Variants in CADM2 observed in about 807,000 individuals in gnomAD.
The protein encoded by CADM2 is immunoglobulin superfamily member 4D.
Under a neutral mutation model 49.8 loss-of-function variants are expected in CADM2, and 12 were observed. The ratio of observed to expected loss-of-function variants is 0.24; its 90% confidence interval spans 0.15 to 0.39. CADM2 has a LOEUF of 0.39. Among genes scored for constraint, CADM2 ranks in the 10% least tolerant of loss-of-function variants. The pLI, the probability that CADM2 is intolerant of heterozygous loss-of-function variation, is 1.00. For synonymous variants in CADM2, 214 were observed against 175.4 expected (o/e 1.22, Z -1.74); for missense variants, 378 against 492.3 (o/e 0.77, Z 2.20).
intron 1 of CADM2, among the ~76,000 whole-genome samples, chr3:85,289,621 A>C (rs1197187590): frequency 1.3e-5 from 2 of 152,208 alleles, no homozygotes; most frequent in African/African-American, 4.8e-5. Context: ...TGGTGTCTAC[A>C]GACTTCAGGT....
chr3:85,643,519 C>G (rs751360183), intron 1 of CADM2, among the ~76,000 whole-genome samples: 2 of 152,078 alleles, frequency 1.3e-5, no homozygotes, highest in Non-Finnish European at 2.9e-5. Context: ...CAAATCAAAA[C>G]TTGATTAGGT....
chr3:85,399,891 A>T (rs2035008024), intron 1 of CADM2, among the ~76,000 whole-genome samples: 2 of 152,186 alleles, frequency 1.3e-5, no homozygotes. Context: ...GGTTTTCTAA[A>T]TATACAATCA....
intron 1 of CADM2, among the ~76,000 whole-genome samples, chr3:85,339,271 G>A (rs2107185737): frequency 6.6e-6 from 1 of 151,480 alleles, no homozygotes; most frequent in South Asian, 2.1e-4. Flanking sequence ...ATCTCAGTGT[G>A]TTTAAATAAT....
chr3:85,662,650 A>C (rs934286005), intron 1 of CADM2, among the ~76,000 whole-genome samples: 1 of 152,048 alleles, frequency 6.6e-6, no homozygotes, highest in African/African-American at 2.4e-5. Flanking sequence ...TCTTTGCCTG[A>C]GGACTTTGCA....
chr3:85,311,534 C>T (rs1358238493), intron 1 of CADM2, among the ~76,000 whole-genome samples: 4 of 151,894 alleles, frequency 2.6e-5, no homozygotes, highest in Non-Finnish European at 5.9e-5. Flanking sequence ...GCCACCACCC[C>T]GGCTAATTTT....
chr3:85,446,971 CTT>C (rs2037487755), intron 1 of CADM2, among the ~76,000 whole-genome samples: 1 of 122,230 alleles, frequency 8.2e-6, no homozygotes, highest in Non-Finnish European at 1.6e-5. Flanking sequence ...ATTTAAATGA[CTT>C]AAGCCTAATA....
At chr3:85,149,906 AAC>A (rs781121851) in intron 1 of CADM2, among the ~76,000 whole-genome samples, 2 of 152,300 alleles carry the variant, frequency 1.3e-5, no homozygotes, top group African/African-American at 2.4e-5. Flanking sequence ...AATTCTCTCA[AAC>A]ACACAGTATT....
chr3:85,449,867 A>G (rs757726764), intron 1 of CADM2, among the ~76,000 whole-genome samples: 4 of 152,130 alleles, frequency 2.6e-5, no homozygotes, highest in Non-Finnish European at 4.4e-5. Context: ...GACGTTGACA[A>G]TACACCTTTT....
chr3:86,073,510 G>A lies in CADM2; in HGVS notation c.*6727G>A, dbSNP rs1054105044. On this transcript the variant is annotated 3_prime_UTR_variant, in exon 10 of 10. Transcript: ENST00000383699. ...ACAAAGTATTCAATGTGTACTTAGCGGCGCTTAAAATATGTCATGTACAAC... is the reference window on the plus strand; with the variant it reads ...ACAAAGTATTCAATGTGTACTTAGCAGCGCTTAAAATATGTCATGTACAAC... The A allele has an allele frequency of 1.3e-5, 2 of 151,878 alleles. No homozygotes were observed. Among genetic ancestry groups the A allele is most frequent in the African/African-American group, 2.4e-5 (1 of 41,412 alleles). 9.4% of individuals were successfully genotyped at this position (151,878 alleles called of 1,614,324 possible).
At position 85,693,874 on chromosome 3, in the gene CADM2, C is replaced by A. The variant is rs1331086608; in HGVS notation, c.62-32648C>A. Among the ~76,000 whole-genome samples, 4 of 139,584 alleles carry A rather than the reference C, an allele frequency of 2.9e-5. 1 individual carries two copies. Among genetic ancestry groups the A allele is most frequent in the Admixed American group, 2.3e-4 (3 of 13,234 alleles). 91.6% of individuals were successfully genotyped at this position (139,584 alleles called of 152,430 possible). A position where few individuals can be genotyped will look rare whatever the true frequency, so the allele number is the denominator to read the frequency against. On this transcript the variant is annotated intron_variant, in intron 1 of 9. Transcript: ENST00000383699. ...TCGCACCACTGTACTCCAGCCTGGGCTACAGAGCAAGACTCCCTCTAAAAA... is the reference window on the plus strand; with the variant it reads ...TCGCACCACTGTACTCCAGCCTGGGATACAGAGCAAGACTCCCTCTAAAAA...
intron 1 of CADM2, among the ~76,000 whole-genome samples, chr3:85,637,297 C>A (rs754188531): frequency 2.6e-5 from 4 of 151,942 alleles, no homozygotes; most frequent in Non-Finnish European, 4.4e-5. Flanking sequence ...GAAATAATTT[C>A]TTTTGAATTT....
chr3:85,020,828 G>A (rs991059396), intron 1 of CADM2, among the ~76,000 whole-genome samples: 3 of 151,224 alleles, frequency 2.0e-5, no homozygotes, highest in Non-Finnish European at 4.4e-5. Context: ...TTGGCATTGC[G>A]GCACAATAAA....
intron 1 of CADM2, among the ~76,000 whole-genome samples, chr3:84,964,346 T>C (rs1301629437): frequency 6.6e-6 from 1 of 152,176 alleles, no homozygotes; most frequent in East Asian, 1.9e-4. Flanking sequence ...ATTTTCTCCT[T>C]AAGTAGTCTG....
intron 7 of CADM2, among the ~76,000 whole-genome samples, chr3:85,958,111 ACAACCC>A (rs1468298583): frequency 6.6e-6 from 1 of 152,056 alleles, no homozygotes; most frequent in East Asian, 1.9e-4. Flanking sequence ...ATAAAAAACA[ACAACCC>A]CATCTGAAAG....
chr3:85,259,417 C>T (rs936353103), intron 1 of CADM2, among the ~76,000 whole-genome samples: 1 of 147,796 alleles, frequency 6.8e-6, no homozygotes, highest in East Asian at 2.0e-4. Flanking sequence ...TTTCAGAAAA[C>T]TTTCATGATA....
chr3:85,097,728 G>C (rs575723049), intron 1 of CADM2, among the ~76,000 whole-genome samples: 1 of 152,152 alleles, frequency 6.6e-6, no homozygotes, highest in Non-Finnish European at 1.5e-5. Context: ...ACTCACACTC[G>C]TGATCTCTTC....
chr3:85,621,412 A>G (rs1312470414), intron 1 of CADM2, among the ~76,000 whole-genome samples: 5 of 152,162 alleles, frequency 3.3e-5, no homozygotes, highest in Admixed American at 6.6e-5. Context: ...TCATATTCCT[A>G]TGTTAGCAAT....
intron 1 of CADM2, among the ~76,000 whole-genome samples, chr3:85,197,601 G>A (rs1396566313): frequency 6.6e-6 from 1 of 151,892 alleles, no homozygotes; most frequent in African/African-American, 2.4e-5. Context: ...TAACTCTACT[G>A]TGCTAGTTCC....
chr3:85,187,388 T>C (rs899066861), intron 1 of CADM2, among the ~76,000 whole-genome samples: 5 of 152,120 alleles, frequency 3.3e-5, no homozygotes, highest in Admixed American at 3.3e-4. Flanking sequence ...TGTTTTATAT[T>C]CTTGCGAGTC....
Sources: gnomAD v4.1 joint callset for allele counts (sites outside exome capture counted in the v4.1 genomes callset) on GRCh38, gnomAD v4.1.1 for gene constraint, MANE v1.5 for transcripts, NCBI Gene and HGNC (gene_info 2026-07-23, HGNC 2026-07-21) for gene names.